Variants in ZC3HAV1 observed in about 807,000 individuals in gnomAD.
ZC3HAV1 encodes the protein zinc finger CCCH-type antiviral protein 1.
ZC3HAV1 carries 41 observed loss-of-function variants against 86.6 expected under a neutral mutation model. That is an observed-to-expected ratio of 0.47 (90% CI 0.37 to 0.61). The LOEUF (loss-of-function observed/expected upper bound fraction) is 0.61, where lower values mean the gene tolerates loss of function less well. Ranked by LOEUF, ZC3HAV1 falls within the 20% of genes least tolerant of loss-of-function variation. The probability of loss-of-function intolerance (pLI) is 0.00; values close to 1 mark genes in which losing one functional copy is unlikely to be tolerated. For synonymous variants in ZC3HAV1, 421 were observed against 432.1 expected (o/e 0.97, Z 0.32); for missense variants, 964 against 1,141.1 (o/e 0.84, Z 2.24).
chr7:139,079,961 C>T lies in ZC3HAV1; in HGVS notation c.980G>A (p.Ser327Asn), dbSNP rs535589363. 25 of 1,614,186 alleles carry T rather than the reference C, an allele frequency of 1.5e-5. No individual in the cohort carries two copies. Among genetic ancestry groups the T allele is most frequent in the Admixed American group, 3.3e-5 (2 of 60,014 alleles). The stretch of plus-strand genomic sequence containing the variant: ...ACTGCCGTTCTCTAAAAACCTCTGG[C>T]TTGTCCCGGCCTGACTTGTTCCTCC... ...DLGGTSQAGT[S>N]QRFLENGSQE... Residue 327 changes from serine (S) to asparagine (N), a missense_variant, in exon 4 of 13, where the codon AGC (serine) becomes AAC (asparagine). Physicochemically the swap from Ser to Asn is conservative, Grantham distance 46. Transcript: ENST00000242351.
chr7:139,099,214 C>T (rs958500778), intron 1 of ZC3HAV1, among the ~76,000 whole-genome samples: 1 of 151,488 alleles, frequency 6.6e-6, no homozygotes, highest in East Asian at 1.9e-4. Context: ...AACAAAAATT[C>T]CCAAATGATT....
intron 1 of ZC3HAV1, among the ~76,000 whole-genome samples, chr7:139,098,707 A>G (rs1169970543): frequency 6.6e-6 from 1 of 152,236 alleles, no homozygotes; most frequent in Non-Finnish European, 1.5e-5. Flanking sequence ...TCTTCCCTGT[A>G]TGGGAAATAG....
Position 139,079,735 on chromosome 7 carries a change from G to C in ZC3HAV1, c.1206C>G (p.Gly402=), listed in dbSNP as rs138061005. 1.9e-4 allele frequency: 314 copies of C among 1,614,202 alleles called. No individual in the cohort carries two copies. The Middle Eastern group carries it at 6.1e-3, about 31-fold the overall frequency. ...QTPEAVTTRK[G]TGLLSSDYRI... ...TGTAGTCTGAGGAAAGCAAGCCTGT[G>C]CCCTTTCTGGTGGTCACAGCTTCAG... The change falls in exon 4 of 13, where the codon GGC becomes GGG. Residue 402 remains glycine (G), a synonymous_variant. Coordinates refer to ENST00000242351, the MANE Select transcript of ZC3HAV1 (RefSeq NM_020119.4).
chr7:139,080,269 A>G, intron 3 of ZC3HAV1, 26 bp from the exon 4 acceptor site: 1 of 1,613,628 alleles, frequency 6.2e-7, no homozygotes, highest in Non-Finnish European at 8.5e-7. Context: ...GCCAAAATGA[A>G]ACAAAATAAT....
At chr7:139,103,758 C>A (rs1817845465) in intron 1 of ZC3HAV1, among the ~76,000 whole-genome samples, 1 of 152,188 alleles carries the variant, frequency 6.6e-6, no homozygotes, top group African/African-American at 2.4e-5. Context: ...GAATAGGTAA[C>A]TGAACTGTGG....
At chr7:139,053,306 T>C in intron 12 of ZC3HAV1, 145 bp downstream of exon 12, 1 of 929,404 alleles carries the variant, frequency 1.1e-6, no homozygotes, top group Non-Finnish European at 1.5e-6. Context: ...CATTTGATAT[T>C]ACCGTGAGCT....
intron 9 of ZC3HAV1, among the ~76,000 whole-genome samples, chr7:139,058,416 T>C (rs1473724807): frequency 1.4e-5 from 2 of 138,408 alleles, no homozygotes; most frequent in African/African-American, 5.5e-5. Context: ...ATTGCGCCAC[T>C]GCACCCCAGC....
chr7:139,106,434 G>A (rs1265578690), intron 1 of ZC3HAV1, among the ~76,000 whole-genome samples: 2 of 152,086 alleles, frequency 1.3e-5, no homozygotes, highest in Non-Finnish European at 2.9e-5. Flanking sequence ...CCAACATCGC[G>A]AAACCCCATC....
Position 139,053,957 on chromosome 7 carries a change from C to A in ZC3HAV1, c.2318+8G>T. Reference sequence around the variant, plus strand: ...TATGTAAAGAAACACGATAACGTGGCCACCAACCATGTAAATTTATCCAGG... The same window carrying A: ...TATGTAAAGAAACACGATAACGTGGACACCAACCATGTAAATTTATCCAGG... On this transcript the variant is annotated splice_region_variant and intron_variant, in intron 11 of 12. Coordinates refer to ENST00000242351, the MANE Select transcript of ZC3HAV1 (RefSeq NM_020119.4). 6.2e-7 allele frequency: 1 copy of A among 1,601,978 alleles called. No individual in the cohort carries two copies. Among genetic ancestry groups the A allele is most frequent in the East Asian group, 2.2e-5 (1 of 44,498 alleles).
chr7:139,079,896 G>C lies in ZC3HAV1; in HGVS notation c.1045C>G (p.Leu349Val). Residue 349 changes from leucine (L) to valine (V), a missense_variant, in exon 4 of 13, where the codon CTT becomes GTT. Leu to Val is a conservative substitution (Grantham distance 32, BLOSUM62 1). Coordinates refer to ENST00000242351, the MANE Select transcript of ZC3HAV1 (RefSeq NM_020119.4). ...GGGGCTGATGTTGAATTGGAAGCAA[G>C]GTAAGTGCTGCCTGGATTTCCATGC... ...LLHGNPGSTYLASNSTSAPNW... is the reference protein window; with the variant it reads ...LLHGNPGSTYVASNSTSAPNW... 6.2e-7 allele frequency: 1 copy of C among 1,614,174 alleles called. No individual in the cohort carries two copies. The highest frequency in any genetic ancestry group is 8.5e-7 in the Non-Finnish European group (1 of 1,180,022).
intron 8 of ZC3HAV1, among the ~76,000 whole-genome samples, chr7:139,064,277 C>G (rs1297920185): frequency 2.0e-5 from 3 of 152,220 alleles, no homozygotes; most frequent in Non-Finnish European, 4.4e-5. Flanking sequence ...GCAGGGGGTG[C>G]CCAATGGGAT....
At chr7:139,067,254 A>G (rs947418114) in intron 7 of ZC3HAV1, among the ~76,000 whole-genome samples, 8 of 151,836 alleles carry the variant, frequency 5.3e-5, no homozygotes, top group Non-Finnish European at 1.2e-4. Context: ...GTTCAAGCGA[A>G]TTCTCCCGCC....
Position 139,055,236 on chromosome 7 carries a change from T to C in ZC3HAV1, c.2156A>G (p.Asp719Gly), listed in dbSNP as rs764142029. 1 of 1,613,120 alleles carries C rather than the reference T, an allele frequency of 6.2e-7. No individual in the cohort carries two copies. Among genetic ancestry groups the C allele is most frequent in the South Asian group, 1.1e-5 (1 of 90,832 alleles). ...TTTCTTTGAGGATAGGAAGCAAAAG[T>C]CCTCCTGAGGACGAAAGGTCGCAGT... ...SLTATFRPQE[D>G]FCFLSSKKYK... Residue 719 changes from aspartate (D) to glycine (G), a missense_variant, in exon 10 of 13, where the codon GAC (aspartate) becomes GGC (glycine). Physicochemically the swap from Asp to Gly is moderately conservative, Grantham distance 94. Coordinates refer to ENST00000242351, the MANE Select transcript of ZC3HAV1 (RefSeq NM_020119.4).
intron 1 of ZC3HAV1, among the ~76,000 whole-genome samples, chr7:139,098,383 C>T (rs906637257): frequency 1.3e-5 from 2 of 152,162 alleles, no homozygotes; most frequent in African/African-American, 4.8e-5. Context: ...AATGTACACA[C>T]ATTAGGAGTA....
chr7:139,100,994 C>T (rs1435234439), intron 1 of ZC3HAV1, among the ~76,000 whole-genome samples: 1 of 152,156 alleles, frequency 6.6e-6, no homozygotes, highest in Non-Finnish European at 1.5e-5. Context: ...AGGCGCGTGC[C>T]GCCACGCCTG....
chr7:139,097,393 T>C (rs1817619662), intron 1 of ZC3HAV1, among the ~76,000 whole-genome samples: 1 of 126,124 alleles, frequency 7.9e-6, no homozygotes, highest in African/African-American at 3.1e-5. Context: ...AAACAAATAT[T>C]GGAACTCCAT....
In ZC3HAV1 at chr7:139,109,435, T is replaced by G. The variant is rs910161524; in HGVS notation, c.-104A>C. 7.2e-7 allele frequency: 1 copy of G among 1,384,276 alleles called. No homozygotes were observed. The highest frequency in any genetic ancestry group is 9.5e-7 in the Non-Finnish European group (1 of 1,056,190). The allele number at this position is 1,384,276 out of a possible 1,614,324, so 85.7% of individuals were successfully genotyped here. The stretch of plus-strand genomic sequence containing the variant: ...CAGGGGCGGGCGCGGGCGGTGCTAC[T>G]GCTGGGCGCGCCCGGAGTCAGCGAG... On this transcript the variant is annotated 5_prime_UTR_variant, in exon 1 of 13. Coordinates refer to ENST00000242351, the MANE Select transcript of ZC3HAV1 (RefSeq NM_020119.4).
intron 2 of ZC3HAV1, among the ~76,000 whole-genome samples, chr7:139,084,597 A>C (rs1817224507): frequency 6.6e-6 from 1 of 152,234 alleles, no homozygotes. Context: ...ATGATACAGA[A>C]CTGGAGGATG....
chr7:139,048,378 G>C (rs548347525), intron 12 of ZC3HAV1, among the ~76,000 whole-genome samples: 13 of 152,146 alleles, frequency 8.5e-5, no homozygotes, highest in Non-Finnish European at 1.5e-4. Context: ...GGTTGAGGCG[G>C]GTGGATCACA....
Sources: gnomAD v4.1 joint callset for allele counts (sites outside exome capture counted in the v4.1 genomes callset) on GRCh38, gnomAD v4.1.1 for gene constraint, MANE v1.5 for transcripts, NCBI Gene and HGNC (gene_info 2026-07-23, HGNC 2026-07-21) for gene names.